Variants in STAG1 observed in about 807,000 individuals in gnomAD.
The protein encoded by STAG1 is cohesin subunit SA-1.
STAG1 carries 26 observed loss-of-function variants against 170.9 expected under a neutral mutation model. The observed-to-expected ratio is 0.15, with a 90% CI of 0.11 to 0.21. The LOEUF (loss-of-function observed/expected upper bound fraction) is 0.21, where lower values mean the gene tolerates loss of function less well. Among genes scored for constraint, STAG1 ranks in the 10% least tolerant of loss-of-function variants. The pLI is 1.00. For synonymous variants in STAG1, 514 were observed against 497.7 expected, an observed-to-expected ratio of 1.03 and a Z score of -0.44; for missense variants, 964 against 1,509.5, an observed-to-expected ratio of 0.64 and a Z score of 5.99.
At chr3:136,678,433 T>C (rs571183450) in intron 1 of STAG1, among the ~76,000 whole-genome samples, 18 of 151,764 alleles carry the variant, frequency 1.2e-4, no homozygotes, top group African/African-American at 4.1e-4. Flanking sequence ...ATAGATGGCT[T>C]AATTTTTTTA....
chr3:136,344,140 T>A (rs1176496887), intron 29 of STAG1, 134 bp from the exon 30 acceptor site: 1 of 583,310 alleles, frequency 1.7e-6, no homozygotes, highest in Non-Finnish European at 2.8e-6. Context: ...ACCACTTACT[T>A]ACATGACTTT....
At chr3:136,400,505 G>C (rs528791434) in intron 21 of STAG1, among the ~76,000 whole-genome samples, 1 of 151,028 alleles carries the variant, frequency 6.6e-6, no homozygotes, top group South Asian at 2.1e-4. Flanking sequence ...ATAGGCGTGA[G>C]CCACCACGCC....
At chr3:136,657,043 G>A (rs1481745348) in intron 1 of STAG1, among the ~76,000 whole-genome samples, 1 of 151,358 alleles carries the variant, frequency 6.6e-6, no homozygotes, top group African/African-American at 2.4e-5. Flanking sequence ...TATAAATGGA[G>A]AGCAATTACT....
At chr3:136,606,691 GT>G (rs1156304249) in intron 3 of STAG1, among the ~76,000 whole-genome samples, 15 of 149,206 alleles carry the variant, frequency 1.0e-4, no homozygotes, top group African/African-American at 3.7e-4. Flanking sequence ...TTTGTCTGAT[GT>G]TTTTGTCATA....
chr3:136,377,897 G>A, intron 22 of STAG1, 145 bp from the exon 23 acceptor site: 1 of 658,408 alleles, frequency 1.5e-6, no homozygotes, highest in Non-Finnish European at 2.7e-6. Flanking sequence ...ACCATTTAAT[G>A]TAGTCATTTC....
Position 136,364,600 on chromosome 3 carries a change from C to G in STAG1, c.2686-1133G>C, listed in dbSNP as rs982392353. Among the ~76,000 whole-genome samples the G allele has an allele frequency of 1.5e-4, 23 of 152,174 alleles. 1 individual carries two copies. Among genetic ancestry groups the G allele is most frequent in the Non-Finnish European group, 4.4e-5 (3 of 68,036 alleles). ...TATCTCATCCCTGTAACCCCCCCAT[C>G]AACATGTCTATATTTTACTATCGAA... On this transcript the variant is annotated intron_variant, in intron 25 of 33. Transcript: ENST00000383202.
In STAG1 at chr3:136,357,737, T is replaced by C. The variant is rs1172552549; in HGVS notation, c.3048A>G (p.Arg1016=). The C allele has an allele frequency of 1.2e-6, 2 of 1,604,488 alleles. No homozygotes were observed. The highest frequency in any genetic ancestry group is 1.7e-6 in the Non-Finnish European group (2 of 1,177,846). The change falls in exon 28 of 34, where the codon CGA becomes CGG. Residue 1016 remains arginine (R), a synonymous_variant. Transcript: ENST00000383202. Reference sequence around the variant, plus strand: ...CAACTTACACTGTCTTTTTGTCCTGTCGAAGAAGTTTAGAAGAAAATTCAC... The same window carrying C: ...CAACTTACACTGTCTTTTTGTCCTGCCGAAGAAGTTTAGAAGAAAATTCAC... ...VLSEFSSKLL[R]QDKKTVHSYL... is the part of the protein sequence containing the mutation.
At chr3:136,451,997 A>T (rs779373809) in intron 14 of STAG1, 36 bp downstream of exon 14, 1 of 1,326,794 alleles carries the variant, frequency 7.5e-7, no homozygotes, top group Non-Finnish European at 1.1e-6. Flanking sequence ...GTAATATAAT[A>T]AAAGAAATAA....
At chr3:136,541,584 A>ACC (rs1935910863) in intron 6 of STAG1, among the ~76,000 whole-genome samples, 1 of 148,870 alleles carries the variant, frequency 6.7e-6, no homozygotes, top group African/African-American at 2.5e-5. Flanking sequence ...ACACACACAC[A>ACC]CCAGGGGTTT....
rs146407667 is a variant in STAG1, at chr3:136,528,120, G to A, written c.472-6703C>T. On this transcript the variant is annotated intron_variant, in intron 6 of 33. Coordinates refer to ENST00000383202, the MANE Select transcript of STAG1 (RefSeq NM_005862.3). ...ACTAATCTCCTCAAAGCTGTCAGAC[G>A]GGGACATTTAAGTCCGCAGAAGTTT... Among the ~76,000 whole-genome samples the A allele has an allele frequency of 1.1e-3, 167 of 152,226 alleles. 4 individuals are homozygous for A. The East Asian group carries it at 0.028, about 26-fold the overall frequency.
intron 1 of STAG1, among the ~76,000 whole-genome samples, chr3:136,681,194 T>C (rs969917679): frequency 6.6e-6 from 1 of 152,192 alleles, no homozygotes; most frequent in African/African-American, 2.4e-5. Context: ...CGAAGTTATG[T>C]ATATGATATG....
At chr3:136,540,026 G>A (rs941212131) in intron 6 of STAG1, among the ~76,000 whole-genome samples, 13 of 151,858 alleles carry the variant, frequency 8.6e-5, no homozygotes, top group Admixed American at 4.6e-4. Flanking sequence ...CTTGTCATCA[G>A]ATCTTTTAGA....
intron 15 of STAG1, among the ~76,000 whole-genome samples, chr3:136,439,389 GAC>G (rs753912835): frequency 0.14 from 13,654 of 95,724 alleles, 760 homozygotes; most frequent in Middle Eastern, 0.16. Context: ...AACACCCCCC[GAC>G]ACACACACAC....
intron 9 of STAG1, among the ~76,000 whole-genome samples, chr3:136,478,042 G>A (rs1218807921): frequency 3.9e-5 from 6 of 152,040 alleles, no homozygotes; most frequent in South Asian, 2.1e-4. Context: ...CACCCACCTC[G>A]GCCTCCCAAA....
intron 5 of STAG1, among the ~76,000 whole-genome samples, chr3:136,545,834 G>C (rs1936133160): frequency 6.6e-6 from 1 of 152,144 alleles, no homozygotes; most frequent in Non-Finnish European, 1.5e-5. Flanking sequence ...TCTGTCTCTA[G>C]ATGGCAGCCT....
chr3:136,349,131 T>C (rs2108267841), intron 29 of STAG1, 27 bp downstream of exon 29: 1 of 1,554,898 alleles, frequency 6.4e-7, no homozygotes, highest in Middle Eastern at 1.7e-4. Context: ...AGGCAAATTG[T>C]TTCTTATAGT....
intron 23 of STAG1, among the ~76,000 whole-genome samples, chr3:136,376,936 G>A (rs1189013886): frequency 6.6e-6 from 1 of 151,364 alleles, no homozygotes; most frequent in African/African-American, 2.4e-5. Context: ...GATTACAGGC[G>A]CCTGCCACCA....
At chr3:136,527,765 T>C (rs1414798997) in intron 6 of STAG1, among the ~76,000 whole-genome samples, 1 of 152,206 alleles carries the variant, frequency 6.6e-6, no homozygotes, top group Non-Finnish European at 1.5e-5. Context: ...GGGGTTTTGG[T>C]GTGGATGTCC....
intron 1 of STAG1, among the ~76,000 whole-genome samples, chr3:136,695,660 T>C (rs192555206): frequency 1.3e-5 from 2 of 151,812 alleles, no homozygotes; most frequent in Admixed American, 1.3e-4. Flanking sequence ...AAACTTTCTT[T>C]AACAGGAGGG....
Sources: gnomAD v4.1 joint callset for allele counts (sites outside exome capture counted in the v4.1 genomes callset) on GRCh38, gnomAD v4.1.1 for gene constraint, MANE v1.5 for transcripts, NCBI Gene and HGNC (gene_info 2026-07-23, HGNC 2026-07-21) for gene names.